KLHL32: variants seen among roughly 807,000 people sequenced by gnomAD.
KLHL32 encodes the protein kelch-like protein 32.
A neutral mutation model predicts 64.8 loss-of-function variants in KLHL32; 35 were observed. The ratio of observed to expected loss-of-function variants is 0.54; its 90% confidence interval spans 0.41 to 0.72. The LOEUF (loss-of-function observed/expected upper bound fraction) is 0.72. Among genes scored for constraint, KLHL32 ranks in the 30% least tolerant of loss-of-function variants. The pLI, the probability that KLHL32 is intolerant of heterozygous loss-of-function variation, is 0.00. For missense variants in KLHL32, 589 were observed against 768.5 expected (o/e 0.77, Z 2.76); for synonymous variants, 259 against 281.0 (o/e 0.92, Z 0.78).
chr6:96,914,028 G>A, the KLHL32 span, among the ~76,000 whole-genome samples: 15 of 152,122 alleles, frequency 9.9e-5, no homozygotes, highest in Non-Finnish European at 1.8e-4. Flanking sequence ...AGAGAGAGGC[G>A]AAAAGGGAGA....
intron 5 of KLHL32, among the ~76,000 whole-genome samples, chr6:97,073,547 A>C (rs1238230897): frequency 6.6e-6 from 1 of 152,138 alleles, no homozygotes; most frequent in African/African-American, 2.4e-5. Context: ...ACAGAATCCA[A>C]GAAACAATTG....
intron 1 of KLHL32, among the ~76,000 whole-genome samples, chr6:96,953,182 A>G (rs570474658): frequency 1.3e-5 from 2 of 152,180 alleles, no homozygotes; most frequent in African/African-American, 4.8e-5. Flanking sequence ...GATGATTACA[A>G]ATTTGATTCA....
intron 6 of KLHL32, among the ~76,000 whole-genome samples, chr6:97,088,675 A>G (rs772665355): frequency 1.3e-5 from 2 of 152,204 alleles, no homozygotes; most frequent in African/African-American, 2.4e-5. Context: ...CCCAGTGTAT[A>G]TGCTTATCAA....
intron 3 of KLHL32, among the ~76,000 whole-genome samples, chr6:96,977,923 A>G (rs894188827): frequency 6.6e-6 from 1 of 152,218 alleles, no homozygotes; most frequent in African/African-American, 2.4e-5. Context: ...TTTTAGTTCC[A>G]TTAATATAAT....
intron 3 of KLHL32, among the ~76,000 whole-genome samples, chr6:97,030,918 T>A (rs1454938938): frequency 6.6e-6 from 1 of 152,214 alleles, no homozygotes; most frequent in Non-Finnish European, 1.5e-5. Flanking sequence ...ATTCATTCAT[T>A]TTCTGTATTT....
chr6:96,996,602 A>G (rs1778446125), intron 3 of KLHL32, among the ~76,000 whole-genome samples: 1 of 152,180 alleles, frequency 6.6e-6, no homozygotes, highest in Non-Finnish European at 1.5e-5. Context: ...AAGTGACCAA[A>G]TGACTGCAAT....
intron 3 of KLHL32, among the ~76,000 whole-genome samples, chr6:96,985,816 G>T (rs148806558): frequency 6.6e-6 from 1 of 151,940 alleles, no homozygotes; most frequent in Non-Finnish European, 1.5e-5. Flanking sequence ...CCATGGGTAC[G>T]AACTTCCTCC....
At chr6:96,980,069 T>C (rs1037417834) in intron 3 of KLHL32, among the ~76,000 whole-genome samples, 1 of 152,126 alleles carries the variant, frequency 6.6e-6, no homozygotes, top group African/African-American at 2.4e-5. Flanking sequence ...GGGCAGAGAC[T>C]ATGTGGAGAG....
intron 5 of KLHL32, among the ~76,000 whole-genome samples, chr6:97,074,742 C>A (rs987833446): frequency 6.6e-6 from 1 of 151,842 alleles, no homozygotes; most frequent in African/African-American, 2.4e-5. Flanking sequence ...ATGATAATGA[C>A]TTCTATACTA....
intron 4 of KLHL32, among the ~76,000 whole-genome samples, chr6:97,045,171 A>G (rs1303350509): frequency 6.6e-6 from 1 of 152,230 alleles, no homozygotes; most frequent in Non-Finnish European, 1.5e-5. Context: ...AGAAAGTATA[A>G]CAGGAGAAAG....
chr6:97,048,804 C>T (rs1245720497), intron 4 of KLHL32, among the ~76,000 whole-genome samples: 1 of 152,176 alleles, frequency 6.6e-6, no homozygotes, highest in Non-Finnish European at 1.5e-5. Flanking sequence ...TGGAGAAAGT[C>T]TCTGTCGGAT....
intron 7 of KLHL32, among the ~76,000 whole-genome samples, chr6:97,122,171 C>G (rs1286683239): frequency 6.6e-6 from 1 of 152,188 alleles, no homozygotes; most frequent in Non-Finnish European, 1.5e-5. Context: ...TTCTGGGTCA[C>G]AAGTTTGCAC....
chr6:97,042,194 T>TA (rs1289111222), intron 4 of KLHL32, among the ~76,000 whole-genome samples: 1 of 152,262 alleles, frequency 6.6e-6, no homozygotes, highest in African/African-American at 2.4e-5. Flanking sequence ...GCTCCCCTTT[T>TA]ATAAATTGTT....
the KLHL32 span, among the ~76,000 whole-genome samples, chr6:96,899,122 A>T: frequency 6.6e-6 from 1 of 152,260 alleles, no homozygotes; most frequent in African/African-American, 2.4e-5. Context: ...AGACGGCTTC[A>T]GCCACTCTAA....
At chr6:96,961,202 A>G (rs1375248933) in intron 1 of KLHL32, among the ~76,000 whole-genome samples, 2 of 152,182 alleles carry the variant, frequency 1.3e-5, no homozygotes, top group African/African-American at 2.4e-5. Flanking sequence ...AGTCAGCCAC[A>G]TTATATAGGG....
chr6:96,911,720 T>G, the KLHL32 span, among the ~76,000 whole-genome samples: 1 of 152,168 alleles, frequency 6.6e-6, no homozygotes, highest in Admixed American at 6.5e-5. Flanking sequence ...AATAAACATT[T>G]TTTTTGGTCT....
At chr6:97,129,307 C>T (rs1008326995) in intron 8 of KLHL32, among the ~76,000 whole-genome samples, 6 of 151,946 alleles carry the variant, frequency 3.9e-5, no homozygotes, top group African/African-American at 1.4e-4. Flanking sequence ...TTTTTCTGGC[C>T]GAAATCCAAA....
intron 4 of KLHL32, among the ~76,000 whole-genome samples, chr6:97,046,437 A>C (rs1287841300): frequency 1.3e-5 from 2 of 152,102 alleles, no homozygotes. Context: ...TGAAGGAGGC[A>C]GAAAAGTGTT....
intron 4 of KLHL32, among the ~76,000 whole-genome samples, chr6:97,043,029 A>G (rs1766502): frequency 0.12 from 17,810 of 152,206 alleles, 1,110 homozygotes; most frequent in African/African-American, 0.15. Context: ...CTCTCTTACT[A>G]TGTGATCTTG....
Sources: allele counts gnomAD v4.1 joint callset (sites outside exome capture counted in the v4.1 genomes callset), GRCh38; gene constraint gnomAD v4.1.1; transcripts MANE v1.5; gene names NCBI Gene and HGNC (gene_info 2026-07-23, HGNC 2026-07-21).